PIK3C2G: variants seen among roughly 807,000 people sequenced by gnomAD.
The protein encoded by PIK3C2G is phosphatidylinositol 3-kinase C2 domain-containing subunit gamma.
In PIK3C2G, 168 loss-of-function variants were observed where a neutral mutation model predicts 181.1. The ratio of observed to expected loss-of-function variants is 0.93; its 90% CI spans 0.82 to 1.05. The LOEUF (loss-of-function observed/expected upper bound fraction) is 1.05. Ranked by LOEUF, PIK3C2G falls within the 50% of genes least tolerant of loss-of-function variation. PIK3C2G has a pLI of 0.00. For synonymous variants in PIK3C2G, 573 were observed against 592.2 expected (o/e 0.97, Z 0.47); for missense variants, 1,869 against 1,732.8 (o/e 1.08, Z -1.40).
intron 4 of PIK3C2G, among the ~76,000 whole-genome samples, chr12:18,291,783 G>C (rs756128523): frequency 7.9e-5 from 12 of 151,116 alleles, no homozygotes; most frequent in Non-Finnish European, 1.5e-4. Flanking sequence ...CTCTATTCAA[G>C]GTTCTCAGCT....
At chr12:18,652,500 G>C (rs1178410707), downstream of PIK3C2G, among the ~76,000 whole-genome samples, 1 of 152,112 alleles carries the variant, frequency 6.6e-6, no homozygotes, top group East Asian at 1.9e-4. Context: ...CCAAAGCTGT[G>C]GGGGAAAAAT....
chr12:18,247,009 CAT>C (rs34135080), upstream of PIK3C2G, among the ~76,000 whole-genome samples: 65,279 of 151,848 alleles, frequency 0.43, 14,560 homozygotes, highest in East Asian at 0.75. Flanking sequence ...GAAGGAAAAT[CAT>C]ATGTTATATA....
chr12:18,307,237 C>T (rs1020304514), intron 5 of PIK3C2G, among the ~76,000 whole-genome samples: 1 of 150,928 alleles, frequency 6.6e-6, no homozygotes, highest in Non-Finnish European at 1.5e-5. Flanking sequence ...AGAATTCAGC[C>T]TCTTAGTGTT....
rs563796495 is a variant in PIK3C2G, at chr12:18,587,671, A to G, written c.4012-6823A>G. Among the ~76,000 whole-genome samples the G allele has an allele frequency of 7.2e-5, 11 of 152,240 alleles. No homozygotes were observed. In the South Asian group the frequency reaches 2.3e-3, roughly 32 times the overall value. On this transcript the variant is annotated intron_variant, in intron 29 of 32. Coordinates refer to ENST00000538779, the MANE Select transcript of PIK3C2G (RefSeq NM_001288772.2). ...CAATGCTATTCCTGTCAAGCTACCAATGACATTCTTCACAGAACTGGAAAA... is the reference window on the plus strand; with the variant it reads ...CAATGCTATTCCTGTCAAGCTACCAGTGACATTCTTCACAGAACTGGAAAA...
chr12:18,254,925 G>C (rs1044912572), intron 1 of PIK3C2G, among the ~76,000 whole-genome samples: 2 of 151,620 alleles, frequency 1.3e-5, no homozygotes, highest in African/African-American at 4.8e-5. Flanking sequence ...AAAAAAGAAA[G>C]AGGCCTGGGC....
chr12:18,693,847 T>C, the PIK3C2G span: 15 of 1,526,692 alleles, frequency 9.8e-6, no homozygotes, highest in Non-Finnish European at 1.3e-5. Context: ...CCCTGCCTGA[T>C]GAAAAGACGA....
At chr12:18,280,192 G>A (rs966612279) in intron 1 of PIK3C2G, among the ~76,000 whole-genome samples, 1 of 151,718 alleles carries the variant, frequency 6.6e-6, no homozygotes, top group African/African-American at 2.4e-5. Flanking sequence ...TAAATAATAC[G>A]GTCAACAAAT....
chr12:18,537,585 C>G (rs1335551686), intron 24 of PIK3C2G, among the ~76,000 whole-genome samples: 8 of 152,034 alleles, frequency 5.3e-5, no homozygotes. Flanking sequence ...ATGGTCTACT[C>G]ATATCTTCCT....
chr12:18,267,553 C>T (rs1948556143), intron 1 of PIK3C2G, among the ~76,000 whole-genome samples: 1 of 152,110 alleles, frequency 6.6e-6, no homozygotes, highest in Non-Finnish European at 1.5e-5. Flanking sequence ...CCGTTGATGA[C>T]TCATAAATAA....
At chr12:18,545,145 C>A (rs1171761493) in intron 25 of PIK3C2G, among the ~76,000 whole-genome samples, 2 of 151,770 alleles carry the variant, frequency 1.3e-5, no homozygotes, top group East Asian at 3.9e-4. Flanking sequence ...TGCCTTTCAT[C>A]CCCATCTCTT....
At chr12:18,506,832 A>G (rs1437822673) in intron 24 of PIK3C2G, among the ~76,000 whole-genome samples, 1 of 152,128 alleles carries the variant, frequency 6.6e-6, no homozygotes, top group African/African-American at 2.4e-5. Context: ...CAGCCCCTCA[A>G]TATAAGAAAT....
intron 18 of PIK3C2G, among the ~76,000 whole-genome samples, chr12:18,428,405 T>C (rs1945960938): frequency 1.3e-5 from 2 of 151,944 alleles, no homozygotes; most frequent in African/African-American, 4.8e-5. Flanking sequence ...GATGAATTAC[T>C]GCTTCCTCAG....
intron 16 of PIK3C2G, among the ~76,000 whole-genome samples, chr12:18,406,415 C>T (rs539755767): frequency 3.3e-5 from 5 of 151,900 alleles, no homozygotes; most frequent in Middle Eastern, 6.8e-3. Flanking sequence ...ATTACTGGGT[C>T]GTATTTTAAT....
intron 31 of PIK3C2G, among the ~76,000 whole-genome samples, chr12:18,626,599 T>C (rs1949110233): frequency 6.6e-6 from 1 of 152,048 alleles, no homozygotes; most frequent in South Asian, 2.1e-4. Flanking sequence ...GCAAGCCTAA[T>C]GATGATTAAC....
intron 13 of PIK3C2G, among the ~76,000 whole-genome samples, chr12:18,379,473 C>T (rs1245252871): frequency 4.6e-5 from 7 of 152,088 alleles, no homozygotes; most frequent in South Asian, 2.1e-4. Flanking sequence ...AGTAACAAGC[C>T]TGCACGTTGT....
intron 18 of PIK3C2G, among the ~76,000 whole-genome samples, chr12:18,432,981 C>CTT (rs35947018): frequency 0.12 from 17,460 of 148,136 alleles, 1,342 homozygotes; most frequent in Admixed American, 0.27. Flanking sequence ...GAAGATGTGA[C>CTT]TTTTTTTTTT....
chr12:18,281,937 A>C, intron 1 of PIK3C2G, 67 bp from the exon 2 acceptor site: 1 of 613,098 alleles, frequency 1.6e-6, no homozygotes, highest in Non-Finnish European at 2.9e-6. Context: ...TATTTATCCT[A>C]TATCTGTCTT....
At chr12:18,564,663 A>C (rs1372671930) in intron 28 of PIK3C2G, among the ~76,000 whole-genome samples, 1 of 152,136 alleles carries the variant, frequency 6.6e-6, no homozygotes, top group East Asian at 1.9e-4. Context: ...AGGCAAAGTC[A>C]TTCTGGCAAC....
chr12:18,392,746 A>G (rs4763501), intron 15 of PIK3C2G, among the ~76,000 whole-genome samples: 19,448 of 152,078 alleles, frequency 0.13, 1,269 homozygotes, highest in African/African-American at 0.16. Context: ...AGAACTGGAA[A>G]AAGTAAGGAA....
Sources: gnomAD v4.1 joint callset for allele counts (sites outside exome capture counted in the v4.1 genomes callset) on GRCh38, gnomAD v4.1.1 for gene constraint, MANE v1.5 for transcripts, NCBI Gene and HGNC (gene_info 2026-07-23, HGNC 2026-07-21) for gene names.